Variants in TOM1L1 observed in about 807,000 individuals in gnomAD.
TOM1L1 encodes target of myb1 like 1 membrane trafficking protein.
A neutral mutation model predicts 63.4 loss-of-function variants in TOM1L1; 64 were observed. The ratio of observed to expected loss-of-function variants is 1.01; its 90% CI spans 0.83 to 1.24. The LOEUF (loss-of-function observed/expected upper bound fraction) is 1.24, where lower values mean the gene tolerates loss of function less well. Among genes scored for constraint, TOM1L1 ranks in the 50% most tolerant of loss-of-function variants. The pLI, the probability that TOM1L1 is intolerant of heterozygous loss-of-function variation, is 0.00. For missense variants in TOM1L1, 536 were observed against 567.0 expected (o/e 0.95, Z 0.55); for synonymous variants, 166 against 194.4 (o/e 0.85, Z 1.22).
chr17:54,931,066 G>C (rs1345229062), intron 8 of TOM1L1, among the ~76,000 whole-genome samples: 1 of 151,800 alleles, frequency 6.6e-6, no homozygotes, highest in African/African-American at 2.4e-5. Flanking sequence ...AAAATGACAT[G>C]TTAAGACACC....
At chr17:54,901,165 G>T in intron 1 of TOM1L1, 1 of 594,008 alleles carries the variant, frequency 1.7e-6, no homozygotes, top group South Asian at 2.1e-5. Context: ...TGCCGCCTGG[G>T]GAGTGGAACC....
At chr17:54,909,826 T>G (rs1324626231) in intron 3 of TOM1L1, among the ~76,000 whole-genome samples, 1 of 152,234 alleles carries the variant, frequency 6.6e-6, no homozygotes, top group African/African-American at 2.4e-5. Context: ...TTATTTGTCT[T>G]ATTTCGAAAG....
intron 11 of TOM1L1, among the ~76,000 whole-genome samples, chr17:54,941,135 T>C (rs757642791): frequency 2.0e-5 from 3 of 152,230 alleles, no homozygotes; most frequent in Non-Finnish European, 4.4e-5. Context: ...CTTTCTCCGT[T>C]ATTCAATAAA....
chr17:54,910,282 C>T (rs2048476690), intron 3 of TOM1L1, among the ~76,000 whole-genome samples: 1 of 152,222 alleles, frequency 6.6e-6, no homozygotes, highest in African/African-American at 2.4e-5. Flanking sequence ...ATGGCGAAAA[C>T]CCATGTCTAC....
intron 14 of TOM1L1, chr17:54,957,408 T>C (rs1291210357): frequency 6.6e-6 from 1 of 152,238 alleles, no homozygotes; most frequent in Non-Finnish European, 1.5e-5. Flanking sequence ...GTATGCTTTC[T>C]AGAAACGTTT....
At chr17:54,930,012 C>G (rs1349856519) in intron 7 of TOM1L1, 61 bp from the exon 8 acceptor site, 11 of 1,605,888 alleles carry the variant, frequency 6.8e-6, no homozygotes, top group Non-Finnish European at 9.4e-6. Flanking sequence ...ATTGGTGAGT[C>G]AGATGTCTTT....
rs1567839924 is a variant in TOM1L1 at position 54,946,879 on chromosome 17, TC to T, written c.1131-381del. ...CATTCCGTCCACCTTTAAGTGACAT[TC>T]AGTGGAGAGACAGAGTGCAGTACGT... On this transcript the variant is annotated intron_variant, in intron 11 of 15. Coordinates refer to ENST00000575882, the MANE Select transcript of TOM1L1 (RefSeq NM_005486.3). Among the ~76,000 whole-genome samples the T allele has an allele frequency of 8.5e-5, 13 of 152,224 alleles. No homozygotes were observed. In the East Asian group the frequency reaches 2.5e-3, roughly 30 times the overall value.
At chr17:54,906,151 T>C (rs1345075912) in intron 3 of TOM1L1, among the ~76,000 whole-genome samples, 1 of 151,838 alleles carries the variant, frequency 6.6e-6, no homozygotes, top group Admixed American at 6.6e-5. Context: ...GCCTGAGTGA[T>C]AAAGAGAAAC....
At chr17:54,905,620 AC>A (rs532409208) in intron 3 of TOM1L1, 53 bp downstream of exon 3, 242 of 1,168,854 alleles carry the variant, frequency 2.1e-4, no homozygotes, top group African/African-American at 2.1e-3. Context: ...AGCTATAGTT[AC>A]ATTTTTAATC....
At chr17:54,906,206 C>T (rs1340469223) in intron 3 of TOM1L1, among the ~76,000 whole-genome samples, 3 of 151,896 alleles carry the variant, frequency 2.0e-5, no homozygotes, top group Admixed American at 2.0e-4. Context: ...CGGTGGCTCA[C>T]ACCTGTAATC....
Position 54,902,480 on chromosome 17 carries a change from G to A in TOM1L1, c.59-1228G>A, listed in dbSNP as rs189841767. The stretch of plus-strand genomic sequence containing the variant: ...AATTTTTGTATTTTTAGTAGAGATG[G>A]AGTTTCACCATGCTGGCCAGGCTGG... On this transcript the variant is annotated intron_variant, in intron 1 of 15. Coordinates refer to ENST00000575882, the MANE Select transcript of TOM1L1 (RefSeq NM_005486.3). Among the ~76,000 whole-genome samples, 707 of 152,146 alleles carry A rather than the reference G, an allele frequency of 4.6e-3. 4 individuals are homozygous for A. Among genetic ancestry groups the A allele is most frequent in the African/African-American group, 0.016 (657 of 41,520 alleles).
At chr17:54,956,904 TGA>T (rs1174667766) in intron 14 of TOM1L1, 1 of 152,152 alleles carries the variant, frequency 6.6e-6, no homozygotes, top group Non-Finnish European at 1.5e-5. Context: ...GCAGATGCAG[TGA>T]GTCGTTATTT....
Position 54,930,522 on chromosome 17 carries a change from TAGTA to T in TOM1L1, c.854+319_854+322del, listed in dbSNP as rs200894528. ...GAATTCCAGACCAGCCCTGACAACA[TAGTA>T]AGACCCTGTCTCTACAAAAAATAAA... On this transcript the variant is annotated intron_variant, in intron 8 of 15. Transcript: ENST00000575882. 8.0e-3 allele frequency: 1,960 copies of T among 244,784 alleles called. 29 individuals carry two copies. Among genetic ancestry groups the T allele is most frequent in the African/African-American group, 0.041 (1,802 of 44,214 alleles). The allele number at this position is 244,784 out of a possible 1,614,324, so 15.2% of individuals were successfully genotyped here.
chr17:54,938,692 A>T (rs9903810), intron 10 of TOM1L1: 115,097 of 381,846 alleles, frequency 0.3, 19,521 homozygotes, highest in African/African-American at 0.5. Context: ...CATGGCAGGG[A>T]AATTCTTTCT....
chr17:54,939,852 A>G (rs755437818), intron 11 of TOM1L1, among the ~76,000 whole-genome samples: 2 of 152,090 alleles, frequency 1.3e-5, no homozygotes, highest in Non-Finnish European at 1.5e-5. Context: ...GCCTGTTATC[A>G]TTATTCCCAT....
At chr17:54,952,465 A>G (rs1024878905) in intron 14 of TOM1L1, 1 of 151,076 alleles carries the variant, frequency 6.6e-6, no homozygotes, top group African/African-American at 2.4e-5. Context: ...AAAAATCGCT[A>G]GAACCCAGGA....
Position 54,949,457 on chromosome 17 carries a change from A to G in TOM1L1, c.1183-61A>G, listed in dbSNP as rs1040574748. 4.2e-6 allele frequency: 5 copies of G among 1,201,394 alleles called. No homozygotes were observed. In the African/African-American group the frequency reaches 7.5e-5, roughly 18 times the overall value. 74.4% of individuals were successfully genotyped at this position (1,201,394 alleles called of 1,614,324 possible). A position where few individuals can be genotyped will look rare whatever the true frequency, so the allele number is the denominator to read the frequency against. On this transcript the variant is annotated intron_variant, in intron 12 of 15. Transcript: ENST00000575882. The stretch of plus-strand genomic sequence containing the variant: ...ATGTACTTGCAAGTGTAGGAGTCTC[A>G]GTAATAAAAGAAAAGCTTAATGTAG...
At position 54,915,769 on chromosome 17, in the gene TOM1L1, G is replaced by A. The variant is rs929006114; in HGVS notation, c.627G>A (p.Leu209=). ...PEQIGKLHSE[L]DMVKMNVRVM... ...AGATTGGAAAACTGCACAGTGAATTGGATATGGTGAAAATGAATGTGCGAG... is the reference window on the plus strand; with the variant it reads ...AGATTGGAAAACTGCACAGTGAATTAGATATGGTGAAAATGAATGTGCGAG... The change falls in exon 7 of 16, where the codon TTG becomes TTA. Residue 209 remains leucine (L), a synonymous_variant. Transcript: ENST00000575882. The A allele has an allele frequency of 1.9e-6, 3 of 1,611,652 alleles. No homozygotes were observed. The highest frequency in any genetic ancestry group is 2.5e-6 in the Non-Finnish European group (3 of 1,178,940).
At chr17:54,943,451 T>C (rs1432090043) in intron 11 of TOM1L1, among the ~76,000 whole-genome samples, 1 of 145,640 alleles carries the variant, frequency 6.9e-6, no homozygotes, top group African/African-American at 2.7e-5. Context: ...GGTGTGTGTG[T>C]GTGTGTGTGT....
Sources: gnomAD v4.1 joint callset for allele counts (sites outside exome capture counted in the v4.1 genomes callset) on GRCh38, gnomAD v4.1.1 for gene constraint, MANE v1.5 for transcripts, NCBI Gene and HGNC (gene_info 2026-07-23, HGNC 2026-07-21) for gene names.